Variants in NCOR2 observed in about 807,000 individuals in gnomAD.
NCOR2 encodes nuclear receptor corepressor 2, also known as CTG repeat protein 26.
In NCOR2, 81 loss-of-function variants were observed where a neutral mutation model predicts 262.9. The observed-to-expected ratio is 0.31, with a 90% CI of 0.26 to 0.37. The LOEUF (loss-of-function observed/expected upper bound fraction) is 0.37. NCOR2 is among the 10% of genes least tolerant of loss of function. NCOR2 has a pLI of 1.00. For missense variants in NCOR2, 3,385 were observed against 3,621.4 expected, an observed-to-expected ratio of 0.93 and a Z score of 1.68; for synonymous variants, 1,659 against 1,559.3, an observed-to-expected ratio of 1.06 and a Z score of -1.51.
chr12:124,332,110 A>T, intron 43 of NCOR2: 1 of 596,126 alleles, frequency 1.7e-6, no homozygotes, highest in South Asian at 2.0e-5. Flanking sequence ...CTGTGCCAGT[A>T]AGCTCCTATG....
At chr12:124,382,005 AG>A (rs1482710841) in intron 17 of NCOR2, among the ~76,000 whole-genome samples, 2 of 152,106 alleles carry the variant, frequency 1.3e-5, no homozygotes, top group Non-Finnish European at 2.9e-5. Flanking sequence ...GCAAGGCGGG[AG>A]GGGACACCCA....
intron 1 of NCOR2, among the ~76,000 whole-genome samples, chr12:124,507,617 G>A (rs1208842026): frequency 1.3e-5 from 2 of 152,342 alleles, no homozygotes; most frequent in African/African-American, 2.4e-5. Context: ...CTGATCCCTC[G>A]GAAGCGCCCG....
intron 13 of NCOR2, among the ~76,000 whole-genome samples, chr12:124,409,041 C>G (rs2042426723): frequency 1.3e-5 from 2 of 152,232 alleles, no homozygotes; most frequent in African/African-American, 4.8e-5. Context: ...CTTCCCCCTA[C>G]AGAAAGCTGG....
chr12:124,472,714 C>CA lies in NCOR2; in HGVS notation c.591+237dup, dbSNP rs1427675866. Among the ~76,000 whole-genome samples the CA allele has an allele frequency of 1.6e-4, 25 of 152,330 alleles. No individual in the cohort carries two copies. In the East Asian group the frequency reaches 4.8e-3, roughly 29 times the overall value. On this transcript the variant is annotated intron_variant, in intron 4 of 46. Coordinates refer to ENST00000405201, the Ensembl canonical transcript of NCOR2. ...AAATTAAAAATCAGTTCCTCAGTCG[C>CA]AGTAGGCACATTTCAAATGCTCAAC...
intron 10 of NCOR2, among the ~76,000 whole-genome samples, chr12:124,427,995 G>A (rs1228445465): frequency 6.6e-6 from 1 of 151,036 alleles, no homozygotes. Context: ...CCCGGACACA[G>A]CATCCTTGAT....
chr12:124,467,175 C>T (rs2046471734), intron 4 of NCOR2, among the ~76,000 whole-genome samples: 1 of 122,176 alleles, frequency 8.2e-6, no homozygotes, highest in African/African-American at 3.2e-5. Flanking sequence ...CACCCCATCA[C>T]CTGCATCCTC....
chr12:124,354,691 A>G (rs954943584), intron 25 of NCOR2, 109 bp from the exon 28 acceptor site: 13 of 1,313,088 alleles, frequency 9.9e-6, no homozygotes, highest in Non-Finnish European at 1.3e-5. Context: ...CCTCCCCACC[A>G]TGTTCCAGCC....
At chr12:124,555,412 G>A (rs1335873324) in intron 1 of NCOR2, among the ~76,000 whole-genome samples, 4 of 152,150 alleles carry the variant, frequency 2.6e-5, no homozygotes, top group African/African-American at 4.8e-5. Context: ...TGGCAGGCAC[G>A]GGGGCATCCC....
intron 5 of NCOR2, among the ~76,000 whole-genome samples, chr12:124,464,962 A>G (rs2046346173): frequency 6.6e-6 from 1 of 152,178 alleles, no homozygotes; most frequent in South Asian, 2.1e-4. Context: ...CCCAGGCCCC[A>G]AACAGGCTTG....
At chr12:124,365,325 T>C (rs1380349071) in intron 20 of NCOR2, among the ~76,000 whole-genome samples, 1 of 152,192 alleles carries the variant, frequency 6.6e-6, no homozygotes, top group African/African-American at 2.4e-5. Flanking sequence ...AGTCACAGCC[T>C]ACTGGCCTCG....
chr12:124,437,825 G>A (rs1255113090), intron 8 of NCOR2, 105 bp downstream of exon 10: 1 of 1,117,338 alleles, frequency 8.9e-7, no homozygotes, highest in Non-Finnish European at 1.3e-6. Context: ...ACTCAGGGAG[G>A]ACACAGCTGC....
chr12:124,386,090 C>A (rs940481555), intron 16 of NCOR2, among the ~76,000 whole-genome samples: 1 of 152,290 alleles, frequency 6.6e-6, no homozygotes, highest in South Asian at 2.1e-4. Context: ...GCAGTCCTGG[C>A]CTCTGGGGTC....
intron 5 of NCOR2, among the ~76,000 whole-genome samples, chr12:124,462,425 C>T (rs1392018805): frequency 3.9e-5 from 6 of 152,280 alleles, no homozygotes; most frequent in African/African-American, 1.4e-4. Flanking sequence ...CTACCCGGAG[C>T]TTCAGCTTCC....
intron 13 of NCOR2, among the ~76,000 whole-genome samples, chr12:124,405,789 C>G (rs1043084144): frequency 2.6e-5 from 4 of 151,430 alleles, no homozygotes; most frequent in African/African-American, 7.4e-5. Context: ...GCCCCCAAAG[C>G]CTTCTATGTT....
At chr12:124,473,867 G>C (rs1010649262) in intron 3 of NCOR2, among the ~76,000 whole-genome samples, 6 of 152,008 alleles carry the variant, frequency 3.9e-5, no homozygotes, top group African/African-American at 1.4e-4. Context: ...CTGACTCCAG[G>C]CCCAGAGTCC....
Position 124,518,629 on chromosome 12 carries a change from G to A in NCOR2, c.-118+16936C>T, listed in dbSNP as rs550235496. The stretch of plus-strand genomic sequence containing the variant: ...CCTCTTGTTTGGAAGCCAAAAGTAC[G>A]AGCTTTTTCTCCCAGCCTTGGCAGT... On this transcript the variant is annotated intron_variant, in intron 1 of 46. Transcript: ENST00000404621. 3.5e-4 allele frequency among the ~76,000 whole-genome samples: 54 copies of A among 152,386 alleles called. 1 individual carries two copies. The South Asian group carries it at 9.7e-3, about 27-fold the overall frequency.
At chr12:124,358,235 T>C (rs946739362) in intron 22 of NCOR2, among the ~76,000 whole-genome samples, 2 of 149,074 alleles carry the variant, frequency 1.3e-5, no homozygotes, top group Non-Finnish European at 1.5e-5. Flanking sequence ...AGTGCATGGA[T>C]GTGTGTATGT....
rs115481986 is a variant in NCOR2 at position 124,426,036 on chromosome 12, C to T, written c.1328+586G>A. Among the ~76,000 whole-genome samples, 1,049 of 152,300 alleles carry T rather than the reference C, an allele frequency of 6.9e-3. 12 individuals carry two copies. Among genetic ancestry groups the T allele is most frequent in the African/African-American group, 0.024 (1,002 of 41,558 alleles). On this transcript the variant is annotated intron_variant, in intron 11 of 46. Transcript: ENST00000405201. ...CCACCAAAAGCCACTGGCCAGCTGC[C>T]GCCCTGCCCAAGGCTGCGGCCCAGC...
chr12:124,451,449 A>G (rs994909660), intron 6 of NCOR2, among the ~76,000 whole-genome samples: 1 of 152,210 alleles, frequency 6.6e-6, no homozygotes, highest in Non-Finnish European at 1.5e-5. Flanking sequence ...AAGAGGTTAC[A>G]ACATTTGCCC....
Sources: gnomAD v4.1 joint callset for allele counts (sites outside exome capture counted in the v4.1 genomes callset) on GRCh38, gnomAD v4.1.1 for gene constraint, MANE v1.5 for transcripts, NCBI Gene and HGNC (gene_info 2026-07-23, HGNC 2026-07-21) for gene names.